LRRC9: variants seen among roughly 807,000 people sequenced by gnomAD.
LRRC9 encodes the protein leucine rich repeat containing 9.
Under a neutral mutation model 63.2 loss-of-function variants are expected in LRRC9, and 122 were observed. That is an observed-to-expected ratio of 1.93 (90% confidence interval 1.67 to 2.24). The LOEUF (loss-of-function observed/expected upper bound fraction) is 2.24. Ranked by LOEUF, LRRC9 falls within the 30% of genes most tolerant of loss-of-function variation. LRRC9 has a pLI of 0.00. For missense variants in LRRC9, 1,071 were observed against 627.7 expected (o/e 1.71, Z -7.55); for synonymous variants, 366 against 213.1 (o/e 1.72, Z -6.25).
At chr14:60,048,786 T>C in intron 29 of LRRC9, among the ~76,000 whole-genome samples, 1 of 152,202 alleles carries the variant, frequency 6.6e-6, no homozygotes, top group African/African-American at 2.4e-5. Flanking sequence ...TAACTCATTT[T>C]ATGAGGCCAG....
rs1417458953 is a variant in LRRC9 at position 59,923,858 on chromosome 14, G to A, written c.-34+3975G>A. On this transcript the variant is annotated intron_variant, in intron 1 of 31. Coordinates refer to ENST00000445360, the Ensembl canonical transcript of LRRC9. The surrounding 1 kb of genome is among the most constrained non-coding windows in gnomAD (Gnocchi z 4.2). The stretch of plus-strand genomic sequence containing the variant: ...CCGAAGGCTGAGGCAGGAGTATGGC[G>A]TGAACCCGGGAGGTGGAGCTTGCAG... 1.3e-5 allele frequency among the ~76,000 whole-genome samples: 2 copies of A among 152,152 alleles called. No individual in the cohort carries two copies. The highest frequency in any genetic ancestry group is 4.8e-5 in the African/African-American group (2 of 41,448).
chr14:60,001,165 T>G (rs1889323534), intron 19 of LRRC9, among the ~76,000 whole-genome samples: 1 of 152,010 alleles, frequency 6.6e-6, no homozygotes, highest in Admixed American at 6.6e-5. Context: ...AATTTGACAT[T>G]ATTCAGTAAA....
chr14:60,029,020 A>G (rs964154216), intron 28 of LRRC9, among the ~76,000 whole-genome samples: 2 of 152,246 alleles, frequency 1.3e-5, no homozygotes, highest in East Asian at 1.9e-4. Flanking sequence ...GGGAATGTAC[A>G]TACAGATAAA....
At chr14:60,008,482 C>T (rs1268405834) in intron 23 of LRRC9, among the ~76,000 whole-genome samples, 1 of 152,134 alleles carries the variant, frequency 6.6e-6, no homozygotes, top group Non-Finnish European at 1.5e-5. Flanking sequence ...AGGTAAAGAA[C>T]ACAATTTTAT....
intron 8 of LRRC9, among the ~76,000 whole-genome samples, chr14:59,947,673 T>C (rs1594845960): frequency 1.5e-5 from 2 of 134,490 alleles, no homozygotes; most frequent in East Asian, 4.7e-4. Context: ...CCATCTTGAA[T>C]TGATTTTTGT....
intron 26 of LRRC9, among the ~76,000 whole-genome samples, chr14:60,020,496 A>C (rs1372927526): frequency 6.6e-6 from 1 of 151,896 alleles, no homozygotes; most frequent in African/African-American, 2.4e-5. Context: ...CAGTTAATGT[A>C]TCATGTTTAC....
intron 6 of LRRC9, among the ~76,000 whole-genome samples, chr14:59,935,283 G>T (rs1890050483): frequency 7.3e-6 from 1 of 137,928 alleles, no homozygotes; most frequent in African/African-American, 2.8e-5. Context: ...AACAGAGTGA[G>T]ACTAGGTCTC....
At chr14:60,034,834 T>C (rs931240170) in intron 29 of LRRC9, among the ~76,000 whole-genome samples, 4 of 152,190 alleles carry the variant, frequency 2.6e-5, no homozygotes, top group Admixed American at 6.5e-5. Flanking sequence ...CTTTGATGTA[T>C]TGATTTCCTT....
chr14:59,994,095 G>T (rs1171511371), intron 17 of LRRC9, among the ~76,000 whole-genome samples: 2 of 152,110 alleles, frequency 1.3e-5, no homozygotes, highest in Admixed American at 6.5e-5. Context: ...TAAAAGAACA[G>T]AAATTATAAC....
rs751195573 is a variant in LRRC9 at position 59,938,577 on chromosome 14, G to A, written c.726+5G>A. On this transcript the variant is annotated splice_donor_5th_base_variant and intron_variant, in intron 7 of 31. Coordinates refer to ENST00000445360, the Ensembl canonical transcript of LRRC9. This position sits in a 1 kb window ranked among gnomAD's most constrained non-coding sequence, Gnocchi z 4.2. The stretch of plus-strand genomic sequence containing the variant: ...CAAATCAAGGAACTGGCAGATGTAA[G>A]TACATCCCTAATCAGGCATCTGTGA... 5.7e-5 allele frequency: 39 copies of A among 687,814 alleles called. No individual in the cohort carries two copies. Among genetic ancestry groups the A allele is most frequent in the Non-Finnish European group, 8.5e-5 (32 of 378,578 alleles). The allele number at this position is 687,814 out of a possible 1,614,324, so 42.6% of individuals were successfully genotyped here. A position where few individuals can be genotyped will look rare whatever the true frequency, so the allele number is the denominator to read the frequency against.
At chr14:59,940,936 T>C (rs532810132) in intron 7 of LRRC9, among the ~76,000 whole-genome samples, 3 of 152,148 alleles carry the variant, frequency 2.0e-5, no homozygotes, top group African/African-American at 4.8e-5. Context: ...TTGACATTAG[T>C]TTTTTAAAGT....
At chr14:59,941,637 C>G (rs1445121975) in intron 7 of LRRC9, among the ~76,000 whole-genome samples, 1 of 151,928 alleles carries the variant, frequency 6.6e-6, no homozygotes, top group Non-Finnish European at 1.5e-5. Context: ...AACTCCATCC[C>G]AAGTTCTCTT....
intron 29 of LRRC9, among the ~76,000 whole-genome samples, chr14:60,039,650 C>G (rs1892767303): frequency 6.6e-6 from 1 of 152,048 alleles, no homozygotes; most frequent in Non-Finnish European, 1.5e-5. Flanking sequence ...TGATTCTTCT[C>G]TCTTTTCTTC....
chr14:60,055,240 A>T (rs1894184839), intron 30 of LRRC9, among the ~76,000 whole-genome samples: 1 of 152,290 alleles, frequency 6.6e-6, no homozygotes, highest in South Asian at 2.1e-4. Context: ...ATATCTACAA[A>T]TTTTTTTCTA....
At position 59,958,387 on chromosome 14, in the gene LRRC9, G is replaced by A. The variant is rs946858981; in HGVS notation, c.883-1431G>A. Among the ~76,000 whole-genome samples, 13 of 152,156 alleles carry A rather than the reference G, an allele frequency of 8.5e-5. No individual in the cohort carries two copies. The highest frequency in any genetic ancestry group is 1.6e-4 in the Non-Finnish European group (11 of 68,024). On this transcript the variant is annotated intron_variant, in intron 8 of 31. Transcript: ENST00000445360. The surrounding 1 kb of genome is among the most constrained non-coding windows in gnomAD (Gnocchi z 4.0). ...GAAGCAGTCTGACCACAGCTGCTTT[G>A]CCACCGGGCCCAGACCTCCCAAACT...
chr14:60,018,242 A>T (rs1467798486), intron 24 of LRRC9, 129 bp from the exon 25 acceptor site: 2 of 617,064 alleles, frequency 3.2e-6, no homozygotes, highest in Non-Finnish European at 5.9e-6. Context: ...ACATTAAAGT[A>T]ATTATTTTTA....
intron 29 of LRRC9, among the ~76,000 whole-genome samples, chr14:60,038,668 T>A (rs1344243570): frequency 6.6e-6 from 1 of 152,200 alleles, no homozygotes; most frequent in African/African-American, 2.4e-5. Flanking sequence ...GATTTGGGGA[T>A]GAGACAATGG....
Position 59,953,126 on chromosome 14 carries a change from C to T in LRRC9, c.883-6692C>T, listed in dbSNP as rs368529596. Among the ~76,000 whole-genome samples the T allele has an allele frequency of 3.9e-5, 6 of 152,344 alleles. No homozygotes were observed. In the East Asian group the frequency reaches 7.7e-4, roughly 20 times the overall value. ...TAGTGCTGCAATAAACATACATGTGCATGTGTCTTTATAGTAGAATGATTT... is the reference window on the plus strand; with the variant it reads ...TAGTGCTGCAATAAACATACATGTGTATGTGTCTTTATAGTAGAATGATTT... On this transcript the variant is annotated intron_variant, in intron 8 of 31. Coordinates refer to ENST00000445360, the Ensembl canonical transcript of LRRC9.
rs1230926507 is a variant in LRRC9, at chr14:60,022,163, TTC to T, written c.3567-566_3567-565del. Among the ~76,000 whole-genome samples the T allele has an allele frequency of 2.0e-5, 3 of 151,820 alleles. No homozygotes were observed. The East Asian group carries it at 5.8e-4, about 29-fold the overall frequency. On this transcript the variant is annotated intron_variant, in intron 26 of 31. Transcript: ENST00000445360. The stretch of plus-strand genomic sequence containing the variant: ...TCTATTTATTTAGATCTTTGTTAAT[TTC>T]TCTCAGTAATGTTTTGTAGTTCTCT...
Sources: allele counts gnomAD v4.1 joint callset (sites outside exome capture counted in the v4.1 genomes callset), GRCh38; gene constraint gnomAD v4.1.1; non-coding constraint Gnocchi (gnomAD v3.1); transcripts MANE v1.5; gene names NCBI Gene and HGNC (gene_info 2026-07-23, HGNC 2026-07-21).